PARP1: variants seen among roughly 807,000 people sequenced by gnomAD.
PARP1 encodes the protein poly [ADP-ribose] polymerase 1.
Under a neutral mutation model 118.7 loss-of-function variants are expected in PARP1, and 44 were observed. The ratio of observed to expected loss-of-function variants is 0.37; its 90% CI spans 0.29 to 0.48. The LOEUF (loss-of-function observed/expected upper bound fraction) is 0.48. PARP1 is among the 20% of genes least tolerant of loss of function. The pLI is 0.99. For synonymous variants in PARP1, 492 were observed against 483.2 expected, an observed-to-expected ratio of 1.02 and a Z score of -0.24; for missense variants, 1,100 against 1,272.4, an observed-to-expected ratio of 0.86 and a Z score of 2.06.
chr1:226,371,671 G>T (rs1664384124), intron 14 of PARP1, among the ~76,000 whole-genome samples: 1 of 152,212 alleles, frequency 6.6e-6, no homozygotes, highest in Non-Finnish European at 1.5e-5. Flanking sequence ...AGTGACTTTG[G>T]TATGGACCCT....
chr1:226,373,656 T>C (rs929369848), intron 14 of PARP1, among the ~76,000 whole-genome samples: 2 of 152,182 alleles, frequency 1.3e-5, no homozygotes, highest in Admixed American at 6.5e-5. Context: ...TGCCAACCTT[T>C]TAAAAACTGG....
At chr1:226,379,022 A>C in intron 12 of PARP1, 120 bp downstream of exon 12, 1 of 1,206,900 alleles carries the variant, frequency 8.3e-7, no homozygotes, top group Non-Finnish European at 1.2e-6. Flanking sequence ...GATCTCTGTG[A>C]TTAGATTTCA....
intron 15 of PARP1, 40 bp downstream of exon 15, chr1:226,370,394 G>A: frequency 6.7e-7 from 1 of 1,494,698 alleles, no homozygotes; most frequent in African/African-American, 1.4e-5. Context: ...AAGTCGGCCA[G>A]AGGAGGGTTC....
At chr1:226,391,915 C>CA (rs911567553) in intron 3 of PARP1, among the ~76,000 whole-genome samples, 1 of 152,222 alleles carries the variant, frequency 6.6e-6, no homozygotes, top group Non-Finnish European at 1.5e-5. Flanking sequence ...CACAGACAAA[C>CA]AGTCTCTCCC....
intron 17 of PARP1, 39 bp from the exon 18 acceptor site, chr1:226,366,091 C>G: frequency 7.4e-7 from 1 of 1,358,456 alleles, no homozygotes; most frequent in Middle Eastern, 1.8e-4. Context: ...CAAAAGAGAC[C>G]CAGGAGAGCT....
Position 226,390,547 on chromosome 1 carries a change from TG to T in PARP1, c.479del (p.Pro160GlnfsTer36). 1.2e-6 allele frequency: 2 copies of T among 1,614,232 alleles called. No individual in the cohort carries two copies. The highest frequency in any genetic ancestry group is 2.2e-5 in the South Asian group (2 of 91,088). ...QLGMIDRWYH[P>X]GCFVKNREEL... Reference sequence around the variant, plus strand: ...CCTCCCTGTTCTTGACAAAGCAGCCTGGATGGTACCAGCGGTCAATCATGCC... The same window carrying T: ...CCTCCCTGTTCTTGACAAAGCAGCCTGATGGTACCAGCGGTCAATCATGCC... On this transcript the variant is annotated frameshift_variant, in exon 4 of 23. Transcript: ENST00000366794. LOFTEE classifies it high-confidence loss of function.
chr1:226,406,174 GA>G (rs74852913), intron 1 of PARP1, among the ~76,000 whole-genome samples: 24,657 of 150,682 alleles, frequency 0.16, 2,741 homozygotes, highest in East Asian at 0.43. Flanking sequence ...TATCACTGGT[GA>G]AAAAAAAATA....
At chr1:226,405,352 G>A (rs1212804823) in intron 1 of PARP1, among the ~76,000 whole-genome samples, 2 of 151,514 alleles carry the variant, frequency 1.3e-5, no homozygotes, top group African/African-American at 4.9e-5. Context: ...CGCCCAGGCT[G>A]GAGTGCAGTG....
intron 19 of PARP1, 36 bp from the exon 20 acceptor site, chr1:226,364,106 TG>T: frequency 5.0e-6 from 8 of 1,611,516 alleles, no homozygotes; most frequent in Non-Finnish European, 5.9e-6. Flanking sequence ...GAGAATCTTC[TG>T]ATGGGAAATT....
chr1:226,368,105 G>A, intron 16 of PARP1, 94 bp downstream of exon 16: 3 of 1,539,724 alleles, frequency 1.9e-6, no homozygotes, highest in Non-Finnish European at 2.7e-6. Flanking sequence ...CAGCATTGGT[G>A]CTGCCCTCAG....
At chr1:226,383,646 C>G (rs1005734002) in intron 7 of PARP1, among the ~76,000 whole-genome samples, 1 of 152,206 alleles carries the variant, frequency 6.6e-6, no homozygotes, top group African/African-American at 2.4e-5. Flanking sequence ...AAGGAAATCA[C>G]AGTATTTGCT....
intron 2 of PARP1, among the ~76,000 whole-genome samples, chr1:226,396,983 A>G (rs1458400493): frequency 6.6e-6 from 1 of 152,094 alleles, no homozygotes; most frequent in Admixed American, 6.6e-5. Context: ...ACAAAAGAGA[A>G]AACAGCCACA....
At chr1:226,402,562 C>T (rs1455350906) in intron 1 of PARP1, among the ~76,000 whole-genome samples, 183 bp from the exon 2 acceptor site, 1 of 152,264 alleles carries the variant, frequency 6.6e-6, no homozygotes, top group African/African-American at 2.4e-5. Context: ...CTGCAGCATC[C>T]TTCTCACGAT....
At position 226,385,536 on chromosome 1, in the gene PARP1, T is replaced by G; in HGVS notation, c.979A>C (p.Thr327Pro). ...GTTACCCACTCCTTCCGGTTGGGTG[T>G]CTGTGTCTTGACCATACACTTGGTC... is the stretch of plus-strand genomic sequence containing the variant. ...AWTKCMVKTQTPNRKEWVTPK... is the reference protein window; with the variant it reads ...AWTKCMVKTQPPNRKEWVTPK... The change falls in exon 7 of 23, where the codon ACA becomes CCA. Residue 327 changes from threonine (T) to proline (P), a missense_variant. Physicochemically the swap from Thr to Pro is conservative, Grantham distance 38. Around this residue, in one of 2 missense-constraint regions of PARP1, gnomAD observed 948 missense variants for 1,031.8 expected, o/e 0.92. Transcript: ENST00000366794. The G allele has an allele frequency of 6.2e-7, 1 of 1,614,136 alleles. No homozygotes were observed. Among genetic ancestry groups the G allele is most frequent in the Non-Finnish European group, 8.5e-7 (1 of 1,180,002 alleles).
intron 7 of PARP1, 53 bp from the exon 8 acceptor site, chr1:226,383,236 C>T (rs979175122): frequency 1.4e-6 from 2 of 1,413,482 alleles, no homozygotes; most frequent in Non-Finnish European, 2.0e-6. Flanking sequence ...GAGGTAACCA[C>T]CCCATAGACC....
rs909077605 is a variant in PARP1 at position 226,407,693 on chromosome 1, GCCGCTCCGAGGGCCCGGGC to G, written c.120+98_120+116del. Reference sequence around the variant, plus strand: ...GGCCGCGGCCCCATAGGCCCCAAGTGCCGCTCCGAGGGCCCGGGCCCGCTCGCTCCCTGGGCCCGCCCTC... The same window carrying G: ...GGCCGCGGCCCCATAGGCCCCAAGTGCCGCTCGCTCCCTGGGCCCGCCCTC... On this transcript the variant is annotated intron_variant, in intron 1 of 22. Transcript: ENST00000366794. 2.0e-5 allele frequency: 20 copies of G among 986,014 alleles called. No individual in the cohort carries two copies. In the African/African-American group the frequency reaches 2.5e-4, roughly 12 times the overall value. The allele number at this position is 986,014 out of a possible 1,614,324, so 61.1% of individuals were successfully genotyped here. A position where few individuals can be genotyped will look rare whatever the true frequency, so the allele number is the denominator to read the frequency against.
intron 2 of PARP1, 28 bp downstream of exon 2, chr1:226,402,186 T>A (rs1366912073): frequency 6.2e-7 from 1 of 1,614,210 alleles, no homozygotes. Flanking sequence ...GGGGGCTGAA[T>A]GCCCATGCTG....
At position 226,388,808 on chromosome 1, in the gene PARP1, C is replaced by T. The variant is rs889225045; in HGVS notation, c.618-53G>A. On this transcript the variant is annotated intron_variant, in intron 4 of 22. Coordinates refer to ENST00000366794, the MANE Select transcript of PARP1 (RefSeq NM_001618.4). ...AGCCAGAGCCATTAAAAGTCTGACA[C>T]CCAATGACTTGCGGTGATGCAGTAT... 5 of 1,353,720 alleles carry T rather than the reference C, an allele frequency of 3.7e-6. No individual in the cohort carries two copies. The African/African-American group carries it at 5.7e-5, about 15-fold the overall frequency. The allele number at this position is 1,353,720 out of a possible 1,614,324, so 83.9% of individuals were successfully genotyped here.
chr1:226,377,406 C>T, intron 12 of PARP1, 103 bp from the exon 13 acceptor site: 3 of 836,798 alleles, frequency 3.6e-6, no homozygotes, highest in African/African-American at 1.7e-5. Flanking sequence ...AAGAATTTTA[C>T]ACACCCCAAA....
Sources: allele counts gnomAD v4.1 joint callset (sites outside exome capture counted in the v4.1 genomes callset), GRCh38; gene constraint gnomAD v4.1.1; regional missense constraint gnomAD v4.1.1; transcripts MANE v1.5; gene names NCBI Gene and HGNC (gene_info 2026-07-23, HGNC 2026-07-21).